Variants in BCL11A observed in about 807,000 individuals in gnomAD.
BCL11A encodes the protein B cell CLL/lymphoma 11A.
A neutral mutation model predicts 55.9 loss-of-function variants in BCL11A; 2 were observed. The ratio of observed to expected loss-of-function variants is 0.04; its 90% CI spans 0.01 to 0.11. BCL11A has a LOEUF of 0.11. BCL11A is among the 10% of genes least tolerant of loss of function. The pLI, the probability that BCL11A is intolerant of heterozygous loss-of-function variation, is 1.00. For synonymous variants in BCL11A, 465 were observed against 473.4 expected, an observed-to-expected ratio of 0.98 and a Z score of 0.23; for missense variants, 817 against 1,137.1, an observed-to-expected ratio of 0.72 and a Z score of 4.05.
chr2:60,467,921 GTGGTGGTAGTGA>G (rs1369559278), intron 3 of BCL11A, among the ~76,000 whole-genome samples: 15 of 130,902 alleles, frequency 1.1e-4, no homozygotes, highest in African/African-American at 3.8e-4. Context: ...GGTGGTGGTG[GTGGTGGTAGTGA>G]TGGTGGTGGT....
downstream of BCL11A, among the ~76,000 whole-genome samples, chr2:60,455,523 A>G (rs1218235432): frequency 1.3e-5 from 2 of 152,228 alleles, no homozygotes; most frequent in African/African-American, 4.8e-5. Flanking sequence ...CAGTAAATTT[A>G]TTTAACTTTG....
intron 2 of BCL11A, among the ~76,000 whole-genome samples, chr2:60,481,612 C>A (rs1220212410): frequency 1.3e-5 from 2 of 152,200 alleles, no homozygotes; most frequent in Admixed American, 1.3e-4. Flanking sequence ...AACAGTGTTT[C>A]TTCTCCATTT....
At chr2:60,529,325 T>C (rs1460079830) in intron 2 of BCL11A, among the ~76,000 whole-genome samples, 1 of 152,166 alleles carries the variant, frequency 6.6e-6, no homozygotes, top group African/African-American at 2.4e-5. Flanking sequence ...AAAGGCCCTA[T>C]GAGGCAAGCC....
At chr2:60,467,198 GTGA>G (rs1355026163) in intron 3 of BCL11A, among the ~76,000 whole-genome samples, 16 of 135,652 alleles carry the variant, frequency 1.2e-4, no homozygotes, top group Non-Finnish European at 2.4e-4. Context: ...GATGGTGGTG[GTGA>G]TGGCGGTGAT....
chr2:60,462,220 T>G lies in BCL11A; in HGVS notation c.692A>C (p.His231Pro). ...GTTAAAGGGGTTATTGTCTGCAATA[T>G]GAATCCCATGGAGAGGTGGCTGGGA... ...CPSQPPLHGI[H>P]IADNNPFNLL... is the part of the protein sequence containing the mutation. Residue 231 changes from histidine (H) to proline (P), a missense_variant, in exon 4 of 4, where the codon CAT (histidine) becomes CCT (proline). Physicochemically the swap from His to Pro is moderately conservative, Grantham distance 77 (BLOSUM62 -2). This residue lies in a region of BCL11A where 363 missense variants were observed against 486.6 expected (regional missense o/e 0.75). Transcript: ENST00000642384. The G allele has an allele frequency of 6.2e-7, 1 of 1,612,818 alleles. No individual in the cohort carries two copies. The highest frequency in any genetic ancestry group is 1.1e-5 in the South Asian group (1 of 90,932).
At chr2:60,467,336 ATGGTGGTGGTAATGG>A in intron 3 of BCL11A, among the ~76,000 whole-genome samples, 1 of 30,790 alleles carries the variant, frequency 3.2e-5, no homozygotes, top group South Asian at 1.3e-3. Flanking sequence ...GGTGGTAGTG[ATGGTGGTGGTAATGG>A]TGGTGGTGGT....
intron 3 of BCL11A, among the ~76,000 whole-genome samples, chr2:60,467,264 G>T (rs1676745647): frequency 9.4e-6 from 1 of 106,110 alleles, no homozygotes; most frequent in Non-Finnish European, 1.9e-5. Flanking sequence ...GGTGGTGGTG[G>T]TGATGGTGGT....
intron 2 of BCL11A, among the ~76,000 whole-genome samples, chr2:60,515,681 C>T (rs1668697644): frequency 6.6e-6 from 1 of 152,238 alleles, no homozygotes; most frequent in Admixed American, 6.5e-5. Context: ...CTCTGAAACA[C>T]AGCCCAGTGC....
At chr2:60,474,601 G>A (rs1257290676) in intron 2 of BCL11A, among the ~76,000 whole-genome samples, 1 of 152,200 alleles carries the variant, frequency 6.6e-6, no homozygotes, top group Non-Finnish European at 1.5e-5. Context: ...ACTTATCTAG[G>A]AGACTGAGAG....
rs1179938156 is a variant in BCL11A, at chr2:60,541,859, A to G, written c.385+4112T>C. 1.4e-5 allele frequency: 10 copies of G among 691,088 alleles called. No individual in the cohort carries two copies. The Admixed American group carries it at 2.3e-4, about 16-fold the overall frequency. 42.8% of individuals were successfully genotyped at this position (691,088 alleles called of 1,614,324 possible). ...AAATAAGTAGTCATAATAGCATACT[A>G]TAATTTATAGTCTCATTTACAATTA... On this transcript the variant is annotated intron_variant, in intron 2 of 3. Transcript: ENST00000642384.
At chr2:60,548,504 C>T (rs1220235182) in intron 1 of BCL11A, among the ~76,000 whole-genome samples, 2 of 151,954 alleles carry the variant, frequency 1.3e-5, no homozygotes, top group African/African-American at 2.4e-5. Context: ...CAATCAAAAC[C>T]GGGAAATGAA....
chr2:60,502,915 C>G (rs1302582963), intron 2 of BCL11A, among the ~76,000 whole-genome samples: 1 of 152,198 alleles, frequency 6.6e-6, no homozygotes, highest in Non-Finnish European at 1.5e-5. Flanking sequence ...AGAAAGAACA[C>G]TGGTCTGTCT....
intron 2 of BCL11A, among the ~76,000 whole-genome samples, chr2:60,505,280 C>T (rs560205599): frequency 2.8e-4 from 42 of 152,304 alleles, no homozygotes; most frequent in Admixed American, 4.6e-4. Context: ...TACTCAGAAA[C>T]GGCTTCAAGG....
Position 60,489,714 on chromosome 2 carries a change from C to T in BCL11A, c.386-20881G>A, listed in dbSNP as rs149983233. ...TTGTTCCCTGGCTCATCTCCTGAGC[C>T]CCCGGGCCGTTCTCCTTTCCAACTG... On this transcript the variant is annotated intron_variant, in intron 2 of 3. Coordinates refer to ENST00000642384, the MANE Select transcript of BCL11A (RefSeq NM_022893.4). Among the ~76,000 whole-genome samples, 35 of 152,300 alleles carry T rather than the reference C, an allele frequency of 2.3e-4. No individual in the cohort carries two copies. The East Asian group carries it at 6.4e-3, about 28-fold the overall frequency.
chr2:60,490,656 G>A (rs1023786873), intron 2 of BCL11A, among the ~76,000 whole-genome samples: 1 of 152,034 alleles, frequency 6.6e-6, no homozygotes, highest in South Asian at 2.1e-4. Flanking sequence ...TTACATTGCT[G>A]GTTAACCCTC....
intron 2 of BCL11A, chr2:60,522,624 C>T (rs1364368235): frequency 6.6e-6 from 1 of 152,238 alleles, no homozygotes; most frequent in Non-Finnish European, 1.5e-5. Flanking sequence ...CTGAATGCAC[C>T]CTCTGAGAGT....
At chr2:60,481,363 C>T (rs141450695) in intron 2 of BCL11A, among the ~76,000 whole-genome samples, 182 of 151,470 alleles carry the variant, frequency 1.2e-3, no homozygotes, top group African/African-American at 4.0e-3. Flanking sequence ...ACATTCAGAA[C>T]CCAGGGCCTT....
chr2:60,538,719 G>GTCTCTCTC (rs542617506), intron 2 of BCL11A, among the ~76,000 whole-genome samples: 8 of 130,574 alleles, frequency 6.1e-5, no homozygotes, highest in African/African-American at 2.4e-4. Flanking sequence ...TAAACTGAAT[G>GTCTCTCTC]TCTCTCTCTC....
At chr2:60,517,943 T>TGCATGCATACACATA (rs1573044840) in intron 2 of BCL11A, among the ~76,000 whole-genome samples, 7 of 152,054 alleles carry the variant, frequency 4.6e-5, no homozygotes, top group East Asian at 1.9e-4. Context: ...AACAAGAACC[T>TGCATGCATACACATA]TACTCTAAAA....
Sources: gnomAD v4.1 joint callset for allele counts (sites outside exome capture counted in the v4.1 genomes callset) on GRCh38, gnomAD v4.1.1 for gene constraint, gnomAD v4.1.1 regional missense constraint, MANE v1.5 for transcripts, NCBI Gene and HGNC (gene_info 2026-07-23, HGNC 2026-07-21) for gene names.